Variants in EMG1 observed in about 807,000 individuals in gnomAD.
The protein encoded by EMG1 is EMG1 N1-specific pseudouridine methyltransferase.
EMG1 carries 24 observed loss-of-function variants against 26.9 expected under a neutral mutation model. The observed-to-expected ratio is 0.89, with a 90% CI of 0.65 to 1.26. The LOEUF is 1.26. Ranked by LOEUF, EMG1 falls within the 50% of genes most tolerant of loss-of-function variation. The pLI is 0.00. For missense variants in EMG1, 299 were observed against 307.6 expected (o/e 0.97, Z 0.21); for synonymous variants, 140 against 112.6 (o/e 1.24, Z -1.54).
chr12:6,989,822 A>G (rs1946570647), downstream of EMG1, among the ~76,000 whole-genome samples: 1 of 152,128 alleles, frequency 6.6e-6, no homozygotes, highest in East Asian at 1.9e-4. Context: ...ATTACTTATT[A>G]ATCCTAAAGT....
Position 6,976,848 on chromosome 12 carries a change from A to G in EMG1, c.*1039A>G. On this transcript the variant is annotated 3_prime_UTR_variant, in exon 6 of 6. Coordinates refer to ENST00000599672, the MANE Select transcript of EMG1 (RefSeq NM_006331.8). ...TGCTCTGGGGCAAAGGAGTGCTGTG[A>G]AAAGGGAGACGAGTAGTTTCTGCAC... The G allele has an allele frequency of 3.6e-6, 1 of 281,352 alleles. No homozygotes were observed. Among genetic ancestry groups the G allele is most frequent in the Non-Finnish European group, 6.9e-6 (1 of 145,908 alleles). 17.4% of individuals were successfully genotyped at this position (281,352 alleles called of 1,614,324 possible).
In EMG1 at chr12:6,973,266, C is replaced by G. The variant is rs782579587; in HGVS notation, c.169-1073C>G. On this transcript the variant is annotated intron_variant, in intron 1 of 5. Transcript: ENST00000599672. The stretch of plus-strand genomic sequence containing the variant: ...CACTGCAATCTCTGTCTCCTGGGCT[C>G]AAGCCATCCTCCCACCTTAGCCTCC... Among the ~76,000 whole-genome samples, 48 of 152,216 alleles carry G rather than the reference C, an allele frequency of 3.2e-4. No individual in the cohort carries two copies. In the South Asian group the frequency reaches 5.0e-3, roughly 16 times the overall value.
intron 1 of EMG1, among the ~76,000 whole-genome samples, chr12:6,971,918 A>G (rs145714236): frequency 4.6e-5 from 7 of 152,290 alleles, no homozygotes; most frequent in African/African-American, 1.7e-4. Context: ...CCCCACATGT[A>G]ATAGAACCAG....
At position 6,977,518 on chromosome 12, in the gene EMG1, C is replaced by T; in HGVS notation, c.*1709C>T. 6.2e-7 allele frequency: 1 copy of T among 1,614,202 alleles called. No homozygotes were observed. Among genetic ancestry groups the T allele is most frequent in the East Asian group, 2.2e-5 (1 of 44,880 alleles). On this transcript the variant is annotated 3_prime_UTR_variant, in exon 6 of 6. Coordinates refer to ENST00000599672, the MANE Select transcript of EMG1 (RefSeq NM_006331.8). This position sits in a 1 kb window ranked among gnomAD's most constrained non-coding sequence, Gnocchi z 4.5. Reference sequence around the variant, plus strand: ...CAGGGTGGGGCTCTCTTGAATGAGCCTGGCAGCCTGGGGAGGGAGGAGGAG... The same window carrying T: ...CAGGGTGGGGCTCTCTTGAATGAGCTTGGCAGCCTGGGGAGGGAGGAGGAG...
downstream of EMG1, chr12:6,982,757 C>T (rs3764031): frequency 0.097 from 156,826 of 1,612,600 alleles, 12,167 homozygotes; most frequent in African/African-American, 0.42. Flanking sequence ...GCACAATACA[C>T]AGCAGGGAGT....
rs1946535433 is a variant in EMG1, at chr12:6,987,057, G to A, written c.*155-725G>A. Among the ~76,000 whole-genome samples the A allele has an allele frequency of 6.6e-6, 1 of 151,752 alleles. No homozygotes were observed. Among genetic ancestry groups the A allele is most frequent in the African/African-American group, 2.4e-5 (1 of 41,206 alleles). ...GAACCCAGGAGGCGGAGGTGGCAGTGAGCTGAGATCACGCCATTGCACTCC... is the reference window on the plus strand; with the variant it reads ...GAACCCAGGAGGCGGAGGTGGCAGTAAGCTGAGATCACGCCATTGCACTCC... On this transcript the variant is annotated intron_variant and NMD_transcript_variant, in intron 6 of 7. Coordinates refer to the EMG1 transcript ENST00000261406. This position sits in a 1 kb window ranked among gnomAD's most constrained non-coding sequence, Gnocchi z 4.1.
At chr12:6,992,670 A>G (rs1946600112), downstream of EMG1, among the ~76,000 whole-genome samples, 1 of 152,180 alleles carries the variant, frequency 6.6e-6, no homozygotes, top group Non-Finnish European at 1.5e-5. Flanking sequence ...CTAATACCCA[A>G]ATCCACTAGT....
In EMG1 at chr12:6,974,782, A is replaced by T; in HGVS notation, c.412+89A>T. ...AAGGGAGAACTAAATGTGGATTTTT[A>T]AGCGAGAAAATGGGAGAACAACATG... On this transcript the variant is annotated intron_variant, in intron 3 of 5. Transcript: ENST00000599672. 9 of 1,399,896 alleles carry T rather than the reference A, an allele frequency of 6.4e-6. No homozygotes were observed. The South Asian group carries it at 1.1e-4, about 17-fold the overall frequency. 86.7% of individuals were successfully genotyped at this position (1,399,896 alleles called of 1,614,324 possible).
At chr12:6,973,643 T>C (rs1946358884) in intron 1 of EMG1, among the ~76,000 whole-genome samples, 3 of 151,512 alleles carry the variant, frequency 2.0e-5, no homozygotes, top group Admixed American at 6.6e-5. Flanking sequence ...CCTGGGTTCA[T>C]GCCATTCTCC....
At position 6,975,135 on chromosome 12, in the gene EMG1, A is replaced by G; in HGVS notation, c.458A>G (p.Gln153Arg). 6.2e-7 allele frequency: 1 copy of G among 1,614,062 alleles called. No homozygotes were observed. The highest frequency in any genetic ancestry group is 8.5e-7 in the Non-Finnish European group (1 of 1,179,910). ...KLSVRAADGP[Q>R]KLLKVIKNPV... Reference sequence around the variant, plus strand: ...AGTGTTCGAGCAGCTGATGGCCCCCAGAAGCTTTTGAAGGTGAGGTATTGA... The same window carrying G: ...AGTGTTCGAGCAGCTGATGGCCCCCGGAAGCTTTTGAAGGTGAGGTATTGA... Residue 153 changes from glutamine (Q) to arginine (R), a missense_variant, in exon 4 of 6, where the codon CAG (glutamine) becomes CGG (arginine). By Grantham distance (43) the Gln-to-Arg change is conservative. Transcript: ENST00000599672.
In EMG1 at chr12:6,979,389, C is replaced by T. The variant is rs1555153774; in HGVS notation, c.*3580C>T. 1.2e-5 allele frequency: 12 copies of T among 1,022,666 alleles called. No homozygotes were observed. The highest frequency in any genetic ancestry group is 1.5e-5 in the Non-Finnish European group (10 of 658,912). 63.3% of individuals were successfully genotyped at this position (1,022,666 alleles called of 1,614,324 possible). On this transcript the variant is annotated 3_prime_UTR_variant, in exon 6 of 6. Coordinates refer to ENST00000599672, the MANE Select transcript of EMG1 (RefSeq NM_006331.8). ...CACTTGTAGATGATATTTCCTACTTCTCTGCTATCTGTAGGGATCCTTGCC... is the reference window on the plus strand; with the variant it reads ...CACTTGTAGATGATATTTCCTACTTTTCTGCTATCTGTAGGGATCCTTGCC...
At position 6,978,870 on chromosome 12, in the gene EMG1, C is replaced by T; in HGVS notation, c.*3061C>T. 1.3e-6 allele frequency: 1 copy of T among 784,438 alleles called. No individual in the cohort carries two copies. The highest frequency in any genetic ancestry group is 1.9e-5 in the South Asian group (1 of 52,490). 48.6% of individuals were successfully genotyped at this position (784,438 alleles called of 1,614,324 possible). A position where few individuals can be genotyped will look rare whatever the true frequency, so the allele number is the denominator to read the frequency against. On this transcript the variant is annotated 3_prime_UTR_variant, in exon 6 of 6. Transcript: ENST00000599672. ...AGGCAGAGAGGAATAAGCAGAGGGC[C>T]TGGAGAATATTCATTCGCCTTTCCC...
chr12:6,977,363 T>C lies in EMG1; in HGVS notation c.*1554T>C. ...CCCAGTCTCACAAGCAGGCCTTCAC[T>C]TGCCTTAAGCCATTTGTCCCACGTG... is the stretch of plus-strand genomic sequence containing the variant. On this transcript the variant is annotated 3_prime_UTR_variant, in exon 6 of 6. Coordinates refer to ENST00000599672, the MANE Select transcript of EMG1 (RefSeq NM_006331.8). The surrounding 1 kb of genome is among the most constrained non-coding windows in gnomAD (Gnocchi z 4.5). 6.2e-7 allele frequency: 1 copy of C among 1,614,178 alleles called. No homozygotes were observed.
downstream of EMG1, among the ~76,000 whole-genome samples, chr12:6,982,125 G>C (rs1447789180): frequency 6.6e-6 from 1 of 152,134 alleles, no homozygotes; most frequent in East Asian, 1.9e-4. Context: ...TAGATGCTGG[G>C]ACCACAGGTG....
chr12:6,996,899 A>G (rs782272212), intron 7 of EMG1, among the ~76,000 whole-genome samples: 7 of 152,184 alleles, frequency 4.6e-5, no homozygotes, highest in Non-Finnish European at 8.8e-5. Flanking sequence ...GGTAGGAAGG[A>G]GCATGGGGCA....
chr12:6,970,968 T>A lies in EMG1; in HGVS notation c.45T>A (p.Gly15=). ...SDGFKPRERS[G]GEQAQDWDAL... ...GATTCAAGCCTCGTGAACGAAGCGG[T>A]GGGGAGCAGGCACAGGACTGGGATG... Residue 15 remains glycine (G), a synonymous_variant, in exon 1 of 6, where the codon GGT becomes GGA. Coordinates refer to ENST00000599672, the MANE Select transcript of EMG1 (RefSeq NM_006331.8). The A allele has an allele frequency of 6.2e-7, 1 of 1,612,860 alleles. No individual in the cohort carries two copies. The highest frequency in any genetic ancestry group is 1.3e-5 in the African/African-American group (1 of 74,962).
chr12:6,990,199 A>C (rs782009497), downstream of EMG1, among the ~76,000 whole-genome samples: 3 of 148,554 alleles, frequency 2.0e-5, no homozygotes, highest in East Asian at 6.1e-4. Context: ...AAAATAAATA[A>C]ATAAATAAAT....
chr12:6,981,177 G>C (rs782105041), downstream of EMG1: 1 of 1,605,634 alleles, frequency 6.2e-7, no homozygotes, highest in African/African-American at 1.3e-5. Context: ...CAGAGGACAA[G>C]GAATTCTATG....
chr12:6,982,714 T>C (rs1555154290), downstream of EMG1: 4 of 1,614,064 alleles, frequency 2.5e-6, no homozygotes, highest in Non-Finnish European at 3.4e-6. Context: ...GCAGTGATGG[T>C]GCGGCCCATT....
Sources: allele counts gnomAD v4.1 joint callset (sites outside exome capture counted in the v4.1 genomes callset), GRCh38; gene constraint gnomAD v4.1.1; non-coding constraint Gnocchi (gnomAD v3.1); transcripts MANE v1.5; gene names NCBI Gene and HGNC (gene_info 2026-07-23, HGNC 2026-07-21).